MARK4: variants seen among roughly 807,000 people sequenced by gnomAD.
MARK4 encodes microtubule affinity regulating kinase 4.
MARK4 carries 19 observed loss-of-function variants against 81.5 expected under a neutral mutation model. The observed-to-expected ratio is 0.23, with a 90% CI of 0.16 to 0.34. MARK4 has a LOEUF of 0.34. Among genes scored for constraint, MARK4 ranks in the 10% least tolerant of loss-of-function variants. The pLI is 1.00. For missense variants in MARK4, 772 were observed against 1,058.8 expected (o/e 0.73, Z 3.76); for synonymous variants, 436 against 439.0 (o/e 0.99, Z 0.08).
chr19:45,280,642 A>G lies in MARK4; in HGVS notation c.1184A>G (p.Asn395Ser), dbSNP rs1306626778. The change falls in exon 12 of 17, where the codon AAC becomes AGC. Residue 395 changes from asparagine to serine, a missense_variant. Asn to Ser is a conservative substitution (Grantham distance 46, BLOSUM62 1). This residue lies in a region of MARK4 where 548 missense variants were observed against 624.3 expected (regional missense o/e 0.88). Coordinates refer to ENST00000262891, the MANE Select transcript of MARK4 (RefSeq NM_001199867.2). ...ARVRAPSDTT[N>S]GTSSSKGTSH... is the part of the protein sequence containing the mutation. ...GTGCGGGCGCCCAGCGACACCACCA[A>G]CGGAACAAGTTCCAGCAAAGGCACC... 2 of 1,614,194 alleles carry G rather than the reference A, an allele frequency of 1.2e-6. No homozygotes were observed. The highest frequency in any genetic ancestry group is 1.3e-5 in the African/African-American group (1 of 75,062).
chr19:45,298,475 GTAAT>G (rs1444454389), intron 15 of MARK4, among the ~76,000 whole-genome samples: 1 of 152,174 alleles, frequency 6.6e-6, no homozygotes, highest in Non-Finnish European at 1.5e-5. Flanking sequence ...AATGGGTATA[GTAAT>G]AACAATACCT....
At chr19:45,278,483 G>C (rs1970630325) in intron 9 of MARK4, 33 bp from the exon 10 acceptor site, 1 of 1,586,438 alleles carries the variant, frequency 6.3e-7, no homozygotes, top group African/African-American at 1.3e-5. Flanking sequence ...TCTGACACCT[G>C]TCTTCCCCCT....
Position 45,271,386 on chromosome 19 carries a change from G to A in MARK4, c.550-86G>A, listed in dbSNP as rs964995427. The A allele has an allele frequency of 2.2e-5, 30 of 1,355,520 alleles. No homozygotes were observed. Among genetic ancestry groups the A allele is most frequent in the Non-Finnish European group, 2.4e-5 (23 of 963,256 alleles). The allele number at this position is 1,355,520 out of a possible 1,614,324, so 84.0% of individuals were successfully genotyped here. A position where few individuals can be genotyped will look rare whatever the true frequency, so the allele number is the denominator to read the frequency against. ...AGTTGATCCCTGTGGGCCAGCCCTA[G>A]AGCCTGTGCTCCTGTCTGCCTCCCA... On this transcript the variant is annotated intron_variant, in intron 7 of 16. Transcript: ENST00000262891. The surrounding 1 kb of genome is among the most constrained non-coding windows in gnomAD (Gnocchi z 4.1).
chr19:45,299,426 AAAG>A (rs1217081861), intron 15 of MARK4, among the ~76,000 whole-genome samples: 4 of 152,136 alleles, frequency 2.6e-5, no homozygotes, highest in African/African-American at 7.2e-5. Context: ...AAAAAAGAAA[AAAG>A]GGCAGGCCTC....
At chr19:45,273,421 A>G (rs932771328) in intron 8 of MARK4, among the ~76,000 whole-genome samples, 13 of 152,184 alleles carry the variant, frequency 8.5e-5, no homozygotes, top group African/African-American at 2.9e-4. Context: ...GGTGACATAC[A>G]GGAAATACAG....
rs565326270 is a variant in MARK4, at chr19:45,299,965, A to G, written c.1922+110A>G. The G allele has an allele frequency of 1.0e-5, 10 of 974,426 alleles. No individual in the cohort carries two copies. In the African/African-American group the frequency reaches 1.5e-4, roughly 15 times the overall value. 60.4% of individuals were successfully genotyped at this position (974,426 alleles called of 1,614,324 possible). ...GGCCCCAGTCTCATCCTGCAAGGCC[A>G]ACTTCCTGAAATGCCCTGTGGCCCC... On this transcript the variant is annotated intron_variant, in intron 16 of 16. Coordinates refer to ENST00000262891, the MANE Select transcript of MARK4 (RefSeq NM_001199867.2).
chr19:45,263,257 G>A lies in MARK4; in HGVS notation c.307-62G>A. ...CCCTTCCTGCGGGGGCCCGGCTGGGGAAAGGATCCCCCAAGCCACCCACCC... is the reference window on the plus strand; with the variant it reads ...CCCTTCCTGCGGGGGCCCGGCTGGGAAAAGGATCCCCCAAGCCACCCACCC... On this transcript the variant is annotated intron_variant, in intron 3 of 16. Coordinates refer to ENST00000262891, the MANE Select transcript of MARK4 (RefSeq NM_001199867.2). The A allele has an allele frequency of 3.1e-6, 5 of 1,613,896 alleles. No homozygotes were observed. In the East Asian group the frequency reaches 6.7e-5, roughly 22 times the overall value.
intron 9 of MARK4, among the ~76,000 whole-genome samples, 176 bp from the exon 10 acceptor site, chr19:45,278,340 A>C (rs1038024765): frequency 6.6e-6 from 1 of 152,102 alleles, no homozygotes; most frequent in Non-Finnish European, 1.5e-5. Flanking sequence ...GGAGGGTGGC[A>C]TCAGGAGGCT....
Position 45,302,902 on chromosome 19 carries a change from A to G in MARK4, c.*192A>G, listed in dbSNP as rs1229043277. Reference sequence around the variant, plus strand: ...GCACAGAAGAAGGATGAGGGGGCTCAGCGGGGGGAGCTGGCACCTTCCTGG... The same window carrying G: ...GCACAGAAGAAGGATGAGGGGGCTCGGCGGGGGGAGCTGGCACCTTCCTGG... On this transcript the variant is annotated 3_prime_UTR_variant, in exon 17 of 17. Transcript: ENST00000262891. This position sits in a 1 kb window ranked among gnomAD's most constrained non-coding sequence, Gnocchi z 4.9. The G allele has an allele frequency of 1.7e-5, 16 of 937,902 alleles. No homozygotes were observed. Among genetic ancestry groups the G allele is most frequent in the South Asian group, 1.1e-4 (6 of 56,604 alleles). The allele number at this position is 937,902 out of a possible 1,614,324, so 58.1% of individuals were successfully genotyped here. A position where few individuals can be genotyped will look rare whatever the true frequency, so the allele number is the denominator to read the frequency against.
intron 1 of MARK4, among the ~76,000 whole-genome samples, chr19:45,256,043 G>A (rs1467722006): frequency 3.3e-5 from 5 of 152,238 alleles, no homozygotes; most frequent in African/African-American, 7.2e-5. Context: ...AAGTCAGGGC[G>A]CTTCTCAAGC....
At chr19:45,297,183 G>A (rs1970898627) in intron 14 of MARK4, among the ~76,000 whole-genome samples, 1 of 152,182 alleles carries the variant, frequency 6.6e-6, no homozygotes, top group Non-Finnish European at 1.5e-5. Context: ...GAGGGTCCGA[G>A]GGGCTGGAGG....
intron 10 of MARK4, 110 bp downstream of exon 10, chr19:45,278,725 T>TC: frequency 1.2e-6 from 1 of 826,780 alleles, no homozygotes; most frequent in Non-Finnish European, 2.0e-6. Flanking sequence ...TGCCTCAGCC[T>TC]CCCAAGTAGC....
At chr19:45,301,846 CAA>C (rs1305378649) in intron 16 of MARK4, among the ~76,000 whole-genome samples, 2 of 111,846 alleles carry the variant, frequency 1.8e-5, no homozygotes, top group Non-Finnish European at 3.6e-5. Context: ...GCCTGGGTAA[CAA>C]GAGCAAAACT....
chr19:45,281,693 CAG>C (rs1970676807), intron 12 of MARK4, among the ~76,000 whole-genome samples: 1 of 152,146 alleles, frequency 6.6e-6, no homozygotes, highest in African/African-American at 2.4e-5. Flanking sequence ...GTCCAAATGG[CAG>C]CTGGAATCTC....
chr19:45,274,523 C>T (rs1225630276), intron 8 of MARK4, among the ~76,000 whole-genome samples: 1 of 151,872 alleles, frequency 6.6e-6, no homozygotes, highest in African/African-American at 2.4e-5. Context: ...CCCTGCTACT[C>T]GGGAGGCTGA....
At chr19:45,261,191 AAG>A (rs1236626023) in intron 2 of MARK4, among the ~76,000 whole-genome samples, 2 of 152,182 alleles carry the variant, frequency 1.3e-5, no homozygotes, top group Non-Finnish European at 2.9e-5. Context: ...AGACTAAAGA[AAG>A]AACTGCCACT....
chr19:45,280,497 A>T lies in MARK4; in HGVS notation c.1116+14A>T, dbSNP rs760220632. On this transcript the variant is annotated intron_variant, in intron 11 of 16. Transcript: ENST00000262891. ...AGGAAGACTGAGGTCAGGGGGCGCCAGGGGCCCTTGGGGACGCGTGATGCC... is the reference window on the plus strand; with the variant it reads ...AGGAAGACTGAGGTCAGGGGGCGCCTGGGGCCCTTGGGGACGCGTGATGCC... 3.7e-6 allele frequency: 6 copies of T among 1,614,024 alleles called. No homozygotes were observed. Among genetic ancestry groups the T allele is most frequent in the Non-Finnish European group, 5.1e-6 (6 of 1,179,928 alleles).
At position 45,271,615 on chromosome 19, in the gene MARK4, G is replaced by A. The variant is rs1263555515; in HGVS notation, c.693G>A (p.Lys231=). 1 of 1,614,244 alleles carries A rather than the reference G, an allele frequency of 6.2e-7. No homozygotes were observed. The highest frequency in any genetic ancestry group is 1.1e-5 in the South Asian group (1 of 91,090). ...CCCCGGAGCTGTTTCAGGGCAAGAA[G>A]TACGACGGGCCGGAGGTGGACATCT... is the stretch of plus-strand genomic sequence containing the variant. ...YAAPELFQGK[K]YDGPEVDIWS... Residue 231 remains lysine (K), a synonymous_variant, in exon 8 of 17, where the codon AAG becomes AAA. Transcript: ENST00000262891. The surrounding 1 kb of genome is among the most constrained non-coding windows in gnomAD (Gnocchi z 4.1).
At chr19:45,265,197 G>A (rs1007206838) in intron 6 of MARK4, among the ~76,000 whole-genome samples, 20 of 152,112 alleles carry the variant, frequency 1.3e-4, no homozygotes, top group African/African-American at 2.4e-4. Flanking sequence ...TGCCCAGCGC[G>A]TAGGTGTGTG....
Sources: allele counts gnomAD v4.1 joint callset (sites outside exome capture counted in the v4.1 genomes callset), GRCh38; gene constraint gnomAD v4.1.1; regional missense constraint gnomAD v4.1.1; non-coding constraint Gnocchi (gnomAD v3.1); transcripts MANE v1.5; gene names NCBI Gene and HGNC (gene_info 2026-07-23, HGNC 2026-07-21).